The following TNKS variants were observed in gnomAD, a reference collection of about 807,000 sequenced individuals.
The protein encoded by TNKS is tankyrase.
A neutral mutation model predicts 135.8 loss-of-function variants in TNKS; 72 were observed. That is an observed-to-expected ratio of 0.53 (90% CI 0.44 to 0.64). The LOEUF (loss-of-function observed/expected upper bound fraction) is 0.64. Among genes scored for constraint, TNKS ranks in the 30% least tolerant of loss-of-function variants. The pLI is 0.00. For missense variants in TNKS, 1,769 were observed against 1,674.0 expected, an observed-to-expected ratio of 1.06 and a Z score of -0.99; for synonymous variants, 849 against 649.3, an observed-to-expected ratio of 1.31 and a Z score of -4.68.
chr8:9,589,181 T>C (rs568240577), intron 2 of TNKS, among the ~76,000 whole-genome samples: 2 of 152,192 alleles, frequency 1.3e-5, no homozygotes, highest in African/African-American at 4.8e-5. Flanking sequence ...AACAATAATC[T>C]ACTTTCACTT....
intron 5 of TNKS, among the ~76,000 whole-genome samples, chr8:9,689,844 C>T (rs1012497867): frequency 7.2e-5 from 11 of 152,236 alleles, no homozygotes; most frequent in East Asian, 3.9e-4. Context: ...TAAGGTGGAC[C>T]GATTCCCTCC....
chr8:9,582,390 A>C (rs551263659), intron 2 of TNKS, among the ~76,000 whole-genome samples: 3 of 152,212 alleles, frequency 2.0e-5, no homozygotes, highest in Admixed American at 6.5e-5. Flanking sequence ...ATTGATTTTT[A>C]AAAGGTTTTT....
intron 5 of TNKS, among the ~76,000 whole-genome samples, chr8:9,699,124 G>C (rs907377399): frequency 2.6e-5 from 4 of 152,222 alleles, no homozygotes; most frequent in Admixed American, 6.5e-5. Flanking sequence ...CTAAATGTTT[G>C]ATGCTTGTGT....
chr8:9,748,344 A>G (rs1806345189), intron 18 of TNKS, 132 bp downstream of exon 18: 1 of 728,568 alleles, frequency 1.4e-6, no homozygotes, highest in African/African-American at 1.8e-5. Context: ...AAATTTTTGA[A>G]GTTCACACTT....
intron 3 of TNKS, among the ~76,000 whole-genome samples, chr8:9,660,815 C>G (rs962566097): frequency 6.6e-6 from 1 of 152,162 alleles, no homozygotes; most frequent in African/African-American, 2.4e-5. Context: ...TTGCAGATGA[C>G]ATGATTGTAT....
At chr8:9,576,451 T>A (rs1585186462) in intron 1 of TNKS, among the ~76,000 whole-genome samples, 1 of 146,828 alleles carries the variant, frequency 6.8e-6, no homozygotes, top group Non-Finnish European at 1.5e-5. Context: ...AAGCGGGAGG[T>A]GCCACCACCC....
intron 1 of TNKS, among the ~76,000 whole-genome samples, chr8:9,563,475 T>C (rs951381197): frequency 1.3e-5 from 2 of 152,148 alleles, no homozygotes; most frequent in African/African-American, 4.8e-5. Context: ...TGTAAATGAA[T>C]GAGTGTGATT....
At chr8:9,775,073 G>A (rs1187026692) in intron 26 of TNKS, among the ~76,000 whole-genome samples, 2 of 152,100 alleles carry the variant, frequency 1.3e-5, no homozygotes, top group Admixed American at 6.6e-5. Flanking sequence ...ACGGATGCTA[G>A]TGATAAATAG....
chr8:9,751,759 C>T lies in TNKS; in HGVS notation c.2983C>T (p.Leu995Phe). The change falls in exon 19 of 27, where the codon CTC (leucine) becomes TTC (phenylalanine). Residue 995 changes from leucine (L) to phenylalanine (F), a missense_variant. Around this residue, in one of 5 missense-constraint regions of TNKS, gnomAD observed 722 missense variants for 688.9 expected, o/e 1.05. Coordinates refer to ENST00000310430, the MANE Select transcript of TNKS (RefSeq NM_003747.3). ...CTCGGCTGCCAGCAGCATAGACAACCTCACTGGCCCTTTAGCAGAGTTGGC... is the reference window on the plus strand; with the variant it reads ...CTCGGCTGCCAGCAGCATAGACAACTTCACTGGCCCTTTAGCAGAGTTGGC... ...CLSAASSIDN[L>F]TGPLAELAVG... The T allele has an allele frequency of 3.1e-6, 5 of 1,614,200 alleles. No individual in the cohort carries two copies. Among genetic ancestry groups the T allele is most frequent in the Non-Finnish European group, 3.4e-6 (4 of 1,180,040 alleles).
At chr8:9,598,397 A>G (rs1798874366) in intron 2 of TNKS, among the ~76,000 whole-genome samples, 1 of 152,120 alleles carries the variant, frequency 6.6e-6, no homozygotes, top group South Asian at 2.1e-4. Context: ...GAATCAAATT[A>G]TTACTATTAT....
chr8:9,699,550 T>C (rs1186901663), intron 5 of TNKS, among the ~76,000 whole-genome samples: 1 of 152,224 alleles, frequency 6.6e-6, no homozygotes, highest in African/African-American at 2.4e-5. Context: ...CTATGTGCCT[T>C]CTAGTGATGC....
At chr8:9,629,505 G>A (rs1800201777) in intron 3 of TNKS, among the ~76,000 whole-genome samples, 1 of 152,190 alleles carries the variant, frequency 6.6e-6, no homozygotes, top group African/African-American at 2.4e-5. Flanking sequence ...AATGGTTAGT[G>A]CTTTTCCTGT....
intron 2 of TNKS, among the ~76,000 whole-genome samples, chr8:9,593,040 T>C (rs999293143): frequency 1.3e-5 from 2 of 152,242 alleles, no homozygotes; most frequent in Non-Finnish European, 2.9e-5. Flanking sequence ...CCACAAAGGA[T>C]AGTAAAACAT....
At chr8:9,741,517 C>T (rs900491571) in intron 17 of TNKS, among the ~76,000 whole-genome samples, 1 of 152,066 alleles carries the variant, frequency 6.6e-6, no homozygotes, top group Non-Finnish European at 1.5e-5. Context: ...AGTATTTTAC[C>T]TTTTGATCCT....
chr8:9,776,147 TA>T (rs1163981980), intron 26 of TNKS, among the ~76,000 whole-genome samples: 3 of 152,242 alleles, frequency 2.0e-5, no homozygotes, highest in Non-Finnish European at 4.4e-5. Context: ...AGTCAGTTTT[TA>T]AATATTGTTC....
rs150355241 is a variant in TNKS at position 9,735,522 on chromosome 8, C to T, written c.2643+36C>T. Reference sequence around the variant, plus strand: ...TAACATTAAAATCTAGAAAACTGACCGCACGCGGTGGCTCACGCCTGTAAT... The same window carrying T: ...TAACATTAAAATCTAGAAAACTGACTGCACGCGGTGGCTCACGCCTGTAAT... On this transcript the variant is annotated intron_variant, in intron 17 of 26. Transcript: ENST00000310430. 2.4e-4 allele frequency: 368 copies of T among 1,557,128 alleles called. 1 individual carries two copies. Among genetic ancestry groups the T allele is most frequent in the East Asian group, 1.1e-3 (49 of 44,584 alleles).
At position 9,556,099 on chromosome 8, in the gene TNKS, G is replaced by A; in HGVS notation, c.160G>A (p.Ala54Thr). The change falls in exon 1 of 27, where the codon GCC becomes ACC. Residue 54 changes from alanine to threonine, a missense_variant. Around this residue, in one of 5 missense-constraint regions of TNKS, gnomAD observed 450 missense variants for 304.9 expected, o/e 1.48. Coordinates refer to ENST00000310430, the MANE Select transcript of TNKS (RefSeq NM_003747.3). ...TPASPTASGL[A>T]PFASPRHGLA... Reference sequence around the variant, plus strand: ...AGCCTCTCCCACGGCCAGCGGCCTGGCCCCCTTCGCCTCCCCGCGGCACGG... The same window carrying A: ...AGCCTCTCCCACGGCCAGCGGCCTGACCCCCTTCGCCTCCCCGCGGCACGG... 2 of 1,600,394 alleles carry A rather than the reference G, an allele frequency of 1.2e-6. No homozygotes were observed. Among genetic ancestry groups the A allele is most frequent in the Non-Finnish European group, 8.5e-7 (1 of 1,174,276 alleles).
chr8:9,670,880 G>A (rs926208994), intron 3 of TNKS: 1 of 152,166 alleles, frequency 6.6e-6, no homozygotes, highest in African/African-American at 2.4e-5. Context: ...CATAATAAAT[G>A]TTTACCATCA....
chr8:9,641,343 G>C (rs935849829), intron 3 of TNKS, among the ~76,000 whole-genome samples: 1 of 143,410 alleles, frequency 7.0e-6, no homozygotes, highest in African/African-American at 2.6e-5. Context: ...AGTATATAAG[G>C]ATAAAAAAGG....
Sources: gnomAD v4.1 joint callset for allele counts (sites outside exome capture counted in the v4.1 genomes callset) on GRCh38, gnomAD v4.1.1 for gene constraint, gnomAD v4.1.1 regional missense constraint, MANE v1.5 for transcripts, NCBI Gene and HGNC (gene_info 2026-07-23, HGNC 2026-07-21) for gene names.